KCNK1: variants seen among roughly 807,000 people sequenced by gnomAD.
KCNK1 encodes the protein potassium two pore domain channel subfamily K member 1.
Under a neutral mutation model 22.2 loss-of-function variants are expected in KCNK1, and 10 were observed. The observed-to-expected ratio is 0.45, with a 90% CI of 0.28 to 0.76. The LOEUF (loss-of-function observed/expected upper bound fraction) is 0.76, where lower values mean the gene tolerates loss of function less well. Among genes scored for constraint, KCNK1 ranks in the 30% least tolerant of loss-of-function variants. The pLI, the probability that KCNK1 is intolerant of heterozygous loss-of-function variation, is 0.14. For synonymous variants in KCNK1, 200 were observed against 186.4 expected, an observed-to-expected ratio of 1.07 and a Z score of -0.60; for missense variants, 378 against 421.0, an observed-to-expected ratio of 0.90 and a Z score of 0.89.
intron 1 of KCNK1, among the ~76,000 whole-genome samples, chr1:233,633,281 CA>C (rs1183050872): frequency 6.7e-6 from 1 of 150,164 alleles, no homozygotes; most frequent in Admixed American, 6.7e-5. Flanking sequence ...AACAAACAAA[CA>C]AAAAAAACCA....
chr1:233,671,174 A>G (rs1448143136), intron 2 of KCNK1, 97 bp from the exon 3 acceptor site: 2 of 1,135,466 alleles, frequency 1.8e-6, no homozygotes, highest in Non-Finnish European at 2.6e-6. Context: ...ATTCCTTAAC[A>G]AACACTGTGT....
chr1:233,618,572 G>A (rs541968427), intron 1 of KCNK1, among the ~76,000 whole-genome samples: 1 of 152,286 alleles, frequency 6.6e-6, no homozygotes, highest in East Asian at 1.9e-4. Context: ...GCCATGTTAT[G>A]ATGACAACTG....
At chr1:233,644,234 C>T (rs529744580) in intron 1 of KCNK1, among the ~76,000 whole-genome samples, 1 of 152,260 alleles carries the variant, frequency 6.6e-6, no homozygotes, top group Admixed American at 6.5e-5. Context: ...GAGGAAAGAG[C>T]CCTCATGGCT....
chr1:233,621,349 C>G (rs1657582835), intron 1 of KCNK1, among the ~76,000 whole-genome samples: 1 of 152,150 alleles, frequency 6.6e-6, no homozygotes, highest in South Asian at 2.1e-4. Context: ...TTTAAGCCAC[C>G]CACTGGTGAT....
intron 1 of KCNK1, among the ~76,000 whole-genome samples, chr1:233,663,003 G>T (rs924168637): frequency 6.6e-6 from 1 of 152,140 alleles, no homozygotes; most frequent in African/African-American, 2.4e-5. Context: ...TCTATCTGAA[G>T]GTTCAATTGA....
rs1437954744 is a variant in KCNK1 at position 233,614,164 on chromosome 1, T to G, written c.-8T>G. On this transcript the variant is annotated 5_prime_UTR_variant, in exon 1 of 3. Transcript: ENST00000366621. The stretch of plus-strand genomic sequence containing the variant: ...GCGGCGTTGGCCTTGGCGGCGGCGG[T>G]GGAGAAGATGCTGCAGTCCCTGGCC... 6.3e-7 allele frequency: 1 copy of G among 1,587,712 alleles called. No individual in the cohort carries two copies. The highest frequency in any genetic ancestry group is 8.5e-7 in the Non-Finnish European group (1 of 1,172,430).
At chr1:233,659,190 GT>G (rs890147983) in intron 1 of KCNK1, among the ~76,000 whole-genome samples, 20 of 149,410 alleles carry the variant, frequency 1.3e-4, no homozygotes, top group African/African-American at 3.7e-4. Flanking sequence ...AAATTTTTCA[GT>G]TTTTTTTTAC....
At chr1:233,671,231 G>C in intron 2 of KCNK1, 40 bp from the exon 3 acceptor site, 1 of 1,600,536 alleles carries the variant, frequency 6.2e-7, no homozygotes. Flanking sequence ...ATTTATCCAT[G>C]TTGAGATCAC....
intron 1 of KCNK1, among the ~76,000 whole-genome samples, chr1:233,615,460 A>G (rs1032871561): frequency 2.0e-5 from 3 of 152,244 alleles, no homozygotes; most frequent in South Asian, 2.1e-4. Flanking sequence ...CTAGTAAGGC[A>G]CATACCCAGA....
intron 1 of KCNK1, among the ~76,000 whole-genome samples, chr1:233,647,285 G>T (rs1344719955): frequency 1.3e-5 from 2 of 152,190 alleles, no homozygotes; most frequent in Non-Finnish European, 2.9e-5. Flanking sequence ...GAGGGAGGCT[G>T]TTCTGGTTTA....
intron 1 of KCNK1, among the ~76,000 whole-genome samples, chr1:233,633,284 A>AC (rs1308731042): frequency 6.6e-6 from 1 of 151,636 alleles, no homozygotes; most frequent in Non-Finnish European, 1.5e-5. Flanking sequence ...AAACAAACAA[A>AC]AAAAACCACA....
chr1:233,658,797 A>G (rs568969513), intron 1 of KCNK1, among the ~76,000 whole-genome samples: 6 of 152,228 alleles, frequency 3.9e-5, no homozygotes, highest in Non-Finnish European at 8.8e-5. Flanking sequence ...GTAAAAATAC[A>G]GTATAAAAGA....
chr1:233,659,434 A>C (rs201801076), intron 1 of KCNK1, among the ~76,000 whole-genome samples: 1 of 149,338 alleles, frequency 6.7e-6, no homozygotes, highest in Non-Finnish European at 1.5e-5. Flanking sequence ...AATATTTTTT[A>C]TTAAAAAAAA....
Position 233,614,150 on chromosome 1 carries a change from C to CTTGGCTTTGGCTTTGGCT in KCNK1, c.-17_-16insTTTGGCTTTGGCTTTGGC, listed in dbSNP as rs140745317. 23 of 1,537,934 alleles carry CTTGGCTTTGGCTTTGGCT rather than the reference C, an allele frequency of 1.5e-5. No homozygotes were observed. The highest frequency in any genetic ancestry group is 1.2e-4 in the East Asian group (5 of 41,760). Reference sequence around the variant, plus strand: ...GCTCCGGCCGGTCTGCGGCGTTGGCCTTGGCGGCGGCGGTGGAGAAGATGC... The same window carrying CTTGGCTTTGGCTTTGGCT: ...GCTCCGGCCGGTCTGCGGCGTTGGCCTTGGCTTTGGCTTTGGCTTTGGCGGCGGCGGTGGAGAAGATGC... On this transcript the variant is annotated 5_prime_UTR_variant, in exon 1 of 3. Transcript: ENST00000366621.
rs1336358608 is a variant in KCNK1 at position 233,614,451 on chromosome 1, A to T, written c.280A>T (p.Ser94Cys). Reference sequence around the variant, plus strand: ...CAGCAACTACGGCGTGTCGGTGCTCAGCAACGCCTCGGGCAACTGGAACTG... The same window carrying T: ...CAGCAACTACGGCGTGTCGGTGCTCTGCAACGCCTCGGGCAACTGGAACTG... ...EASNYGVSVL[S>C]NASGNWNWDF... is the part of the protein sequence containing the mutation. The change falls in exon 1 of 3, where the codon AGC becomes TGC. Residue 94 changes from serine to cysteine, a missense_variant. Physicochemically the swap from Ser to Cys is moderately radical, Grantham distance 112 (BLOSUM62 -1). Coordinates refer to ENST00000366621, the MANE Select transcript of KCNK1 (RefSeq NM_002245.4). 6.2e-7 allele frequency: 1 copy of T among 1,613,280 alleles called. No homozygotes were observed. Among genetic ancestry groups the T allele is most frequent in the Non-Finnish European group, 8.5e-7 (1 of 1,179,796 alleles).
At chr1:233,653,255 C>A (rs1658230268) in intron 1 of KCNK1, among the ~76,000 whole-genome samples, 1 of 152,204 alleles carries the variant, frequency 6.6e-6, no homozygotes, top group Non-Finnish European at 1.5e-5. Flanking sequence ...ACTGATGTTT[C>A]CCTAGGTGCC....
At chr1:233,627,337 G>C (rs1466241505) in intron 1 of KCNK1, among the ~76,000 whole-genome samples, 1 of 152,180 alleles carries the variant, frequency 6.6e-6, no homozygotes, top group South Asian at 2.1e-4. Flanking sequence ...GTTAAAATAT[G>C]GTTGTAACTC....
intron 1 of KCNK1, among the ~76,000 whole-genome samples, chr1:233,623,005 T>C (rs1657618474): frequency 6.6e-6 from 1 of 152,086 alleles, no homozygotes; most frequent in Non-Finnish European, 1.5e-5. Context: ...GGCAGAAAGC[T>C]CTCAGGGAAC....
chr1:233,643,684 C>A (rs1327603616), intron 1 of KCNK1, among the ~76,000 whole-genome samples: 1 of 126,186 alleles, frequency 7.9e-6, no homozygotes, highest in African/African-American at 3.7e-5. Flanking sequence ...TGCTTCACTT[C>A]TTCTTACTTA....
Sources: gnomAD v4.1 joint callset for allele counts (sites outside exome capture counted in the v4.1 genomes callset) on GRCh38, gnomAD v4.1.1 for gene constraint, MANE v1.5 for transcripts, NCBI Gene and HGNC (gene_info 2026-07-23, HGNC 2026-07-21) for gene names.